The following SDK1 variants were observed in gnomAD, a reference collection of about 807,000 sequenced individuals.
The protein encoded by SDK1 is protein sidekick-1.
SDK1 carries 157 observed loss-of-function variants against 245.5 expected under a neutral mutation model. The ratio of observed to expected loss-of-function variants is 0.64; its 90% CI spans 0.56 to 0.73. The LOEUF (loss-of-function observed/expected upper bound fraction) is 0.73, where lower values mean the gene tolerates loss of function less well. Among genes scored for constraint, SDK1 ranks in the 30% least tolerant of loss-of-function variants. The probability of loss-of-function intolerance (pLI) is 0.00; values close to 1 mark genes in which losing one functional copy is unlikely to be tolerated. For synonymous variants in SDK1, 1,647 were observed against 1,278.5 expected, an observed-to-expected ratio of 1.29 and a Z score of -6.15; for missense variants, 3,583 against 3,002.3, an observed-to-expected ratio of 1.19 and a Z score of -4.52.
At chr7:3,672,322 A>G (rs1370610446) in intron 4 of SDK1, among the ~76,000 whole-genome samples, 1 of 151,668 alleles carries the variant, frequency 6.6e-6, no homozygotes, top group Non-Finnish European at 1.5e-5. Context: ...CAAGCAGCTC[A>G]TCTACCCTAC....
At chr7:3,520,504 G>C (rs1165927811) in intron 1 of SDK1, among the ~76,000 whole-genome samples, 1 of 152,160 alleles carries the variant, frequency 6.6e-6, no homozygotes, top group Non-Finnish European at 1.5e-5. Flanking sequence ...GAAAACCTTT[G>C]AGATCATAAC....
chr7:3,566,664 T>G (rs1196203735), intron 1 of SDK1, among the ~76,000 whole-genome samples: 1 of 150,854 alleles, frequency 6.6e-6, no homozygotes, highest in African/African-American at 2.5e-5. Flanking sequence ...GTGTATGGAA[T>G]GTCCACAACT....
intron 1 of SDK1, among the ~76,000 whole-genome samples, chr7:3,478,903 A>G (rs1305221732): frequency 4.6e-5 from 7 of 151,998 alleles, no homozygotes; most frequent in Non-Finnish European, 8.8e-5. Context: ...TTTCATGTAT[A>G]CTTTAGCTTT....
chr7:3,498,367 C>G, intron 1 of SDK1, among the ~76,000 whole-genome samples: 1 of 152,062 alleles, frequency 6.6e-6, no homozygotes, highest in South Asian at 2.1e-4. Context: ...CTTTATTTAC[C>G]AGCCTTCTAG....
chr7:3,342,197 G>A (rs977889659), intron 1 of SDK1, among the ~76,000 whole-genome samples: 47 of 152,166 alleles, frequency 3.1e-4, no homozygotes, highest in Middle Eastern at 3.2e-3. Flanking sequence ...ATCCATAGAC[G>A]AAATGATCAA....
At chr7:3,462,185 A>T (rs1583892322) in intron 1 of SDK1, among the ~76,000 whole-genome samples, 2 of 152,206 alleles carry the variant, frequency 1.3e-5, no homozygotes, top group South Asian at 4.1e-4. Flanking sequence ...GGCCTAAAGG[A>T]TGCTCTTCAG....
chr7:4,258,623 G>A (rs561832872), intron 44 of SDK1, among the ~76,000 whole-genome samples: 14 of 152,330 alleles, frequency 9.2e-5, no homozygotes, highest in African/African-American at 2.4e-4. Context: ...TCTGGCCCCG[G>A]CCAGTATGAC....
chr7:3,507,434 G>T (rs574170790), intron 1 of SDK1, among the ~76,000 whole-genome samples: 3 of 152,274 alleles, frequency 2.0e-5, no homozygotes, highest in African/African-American at 7.2e-5. Flanking sequence ...AGTACCTACA[G>T]CATGGTGCAG....
At chr7:3,914,812 T>A (rs1055470284) in intron 5 of SDK1, among the ~76,000 whole-genome samples, 1 of 152,214 alleles carries the variant, frequency 6.6e-6, no homozygotes, top group Non-Finnish European at 1.5e-5. Flanking sequence ...ATCGGTCAAT[T>A]TGCTTGCTTT....
chr7:3,958,907 T>C, intron 7 of SDK1, 24 bp from the exon 8 acceptor site: 1 of 1,572,306 alleles, frequency 6.4e-7, no homozygotes. Flanking sequence ...GCTTAGGGGC[T>C]TTTTTTTATT....
intron 4 of SDK1, among the ~76,000 whole-genome samples, chr7:3,730,179 C>G (rs62437933): frequency 0.11 from 16,200 of 152,148 alleles, 1,219 homozygotes; most frequent in Middle Eastern, 0.17. Flanking sequence ...TTGGAGAACA[C>G]TCACATCTGT....
intron 4 of SDK1, among the ~76,000 whole-genome samples, chr7:3,688,916 C>G (rs1784364703): frequency 6.6e-6 from 1 of 152,156 alleles, no homozygotes; most frequent in Non-Finnish European, 1.5e-5. Flanking sequence ...CTCCCACCTC[C>G]CCGACCCTAT....
At chr7:4,073,719 G>C (rs1445250621) in intron 20 of SDK1, among the ~76,000 whole-genome samples, 5 of 152,310 alleles carry the variant, frequency 3.3e-5, no homozygotes, top group Admixed American at 3.3e-4. Context: ...CACACATCAG[G>C]AGGAGGTGCT....
At chr7:3,636,855 A>G (rs143559967) in intron 2 of SDK1, among the ~76,000 whole-genome samples, 9 of 151,900 alleles carry the variant, frequency 5.9e-5, no homozygotes, top group African/African-American at 1.9e-4. Context: ...TGTGTTTTTC[A>G]TTTTTCGATA....
rs1373104757 is a variant in SDK1, at chr7:4,266,401, G to A, written c.*1017G>A. The A allele has an allele frequency of 1.0e-6, 1 of 985,282 alleles. No individual in the cohort carries two copies. Among genetic ancestry groups the A allele is most frequent in the Non-Finnish European group, 1.2e-6 (1 of 829,914 alleles). The allele number at this position is 985,282 out of a possible 1,614,324, so 61.0% of individuals were successfully genotyped here. A position where few individuals can be genotyped will look rare whatever the true frequency, so the allele number is the denominator to read the frequency against. ...TCTGCAAATAAAGCAAAACAGCTCT[G>A]AGAACACACGCTCCCGACTCGCCTC... On this transcript the variant is annotated 3_prime_UTR_variant, in exon 45 of 45. Transcript: ENST00000404826.
chr7:3,883,033 T>C (rs2128099867), intron 5 of SDK1, among the ~76,000 whole-genome samples: 1 of 152,248 alleles, frequency 6.6e-6, no homozygotes, highest in East Asian at 1.9e-4. Flanking sequence ...AATTGGAACA[T>C]AGGAACTGCC....
At chr7:3,343,970 C>T (rs535696990) in intron 1 of SDK1, among the ~76,000 whole-genome samples, 1 of 149,092 alleles carries the variant, frequency 6.7e-6, no homozygotes. Context: ...AGAGGATAAA[C>T]TGTGAAGGTG....
At chr7:3,666,662 G>A (rs1769897817) in intron 4 of SDK1, among the ~76,000 whole-genome samples, 1 of 151,582 alleles carries the variant, frequency 6.6e-6, no homozygotes, top group South Asian at 2.1e-4. Context: ...GTGCGTCGTT[G>A]GCGATTGGTA....
At chr7:3,337,553 C>G (rs372831290) in intron 1 of SDK1, among the ~76,000 whole-genome samples, 3 of 152,144 alleles carry the variant, frequency 2.0e-5, no homozygotes, top group South Asian at 2.1e-4. Context: ...TGAGTGAGCC[C>G]CAGACAGGAT....
Sources: gnomAD v4.1 joint callset for allele counts (sites outside exome capture counted in the v4.1 genomes callset) on GRCh38, gnomAD v4.1.1 for gene constraint, MANE v1.5 for transcripts, NCBI Gene and HGNC (gene_info 2026-07-23, HGNC 2026-07-21) for gene names.